Variants in HYDIN observed in about 807,000 individuals in gnomAD.
The protein encoded by HYDIN is HYDIN axonemal central pair apparatus protein, also known as axonemal central pair apparatus protein HYDIN.
In HYDIN, 132 loss-of-function variants were observed where a neutral mutation model predicts 403.9. That is an observed-to-expected ratio of 0.33 (90% CI 0.28 to 0.38). The LOEUF (loss-of-function observed/expected upper bound fraction) is 0.38, where lower values mean the gene tolerates loss of function less well. Among genes scored for constraint, HYDIN ranks in the 10% least tolerant of loss-of-function variants. HYDIN has a pLI of 1.00. For missense variants in HYDIN, 2,827 were observed against 5,009.5 expected (o/e 0.56, Z 13.15); for synonymous variants, 1,202 against 1,891.7 (o/e 0.64, Z 9.46).
intron 10 of HYDIN, among the ~76,000 whole-genome samples, chr16:71,108,439 C>T (rs2083697208): frequency 6.6e-6 from 1 of 151,900 alleles, no homozygotes; most frequent in African/African-American, 2.4e-5. Flanking sequence ...AAGGAACACA[C>T]TGAGGCTTCT....
At chr16:70,968,641 C>T (rs1597438117) in intron 36 of HYDIN, among the ~76,000 whole-genome samples, 1 of 151,992 alleles carries the variant, frequency 6.6e-6, no homozygotes, top group East Asian at 1.9e-4. Flanking sequence ...GAAGGCAGTG[C>T]CCCCTTCTCC....
chr16:70,870,476 A>G (rs2040026780), intron 65 of HYDIN, among the ~76,000 whole-genome samples: 1 of 151,166 alleles, frequency 6.6e-6, no homozygotes, highest in South Asian at 2.1e-4. Flanking sequence ...CATCCCAGCC[A>G]CTCTGGTCAT....
intron 1 of HYDIN, among the ~76,000 whole-genome samples, chr16:71,223,796 G>A (rs2040909275): frequency 1.3e-5 from 2 of 152,138 alleles, no homozygotes; most frequent in African/African-American, 2.4e-5. Flanking sequence ...ACTCTTGCAA[G>A]AATGGCCATA....
At chr16:71,161,587 A>T (rs979552237) in intron 6 of HYDIN, among the ~76,000 whole-genome samples, 1 of 152,248 alleles carries the variant, frequency 6.6e-6, no homozygotes, top group Non-Finnish European at 1.5e-5. Context: ...CAGCAACAGC[A>T]GATTGAGTCC....
chr16:70,906,770 AC>A (rs1449932931), intron 50 of HYDIN, among the ~76,000 whole-genome samples: 2 of 151,914 alleles, frequency 1.3e-5, no homozygotes, highest in Non-Finnish European at 2.9e-5. Flanking sequence ...ATGTTGTTGA[AC>A]CCTGTGGACA....
intron 75 of HYDIN, among the ~76,000 whole-genome samples, chr16:70,847,521 C>T (rs1364849358): frequency 6.6e-6 from 1 of 151,916 alleles, no homozygotes; most frequent in Admixed American, 6.6e-5. Flanking sequence ...TGAGAGTGTC[C>T]TGGTTTATCC....
In HYDIN at chr16:70,892,382, G is replaced by A. The variant is rs372135369; in HGVS notation, c.9396C>T (p.His3132=). The A allele has an allele frequency of 7.7e-6, 12 of 1,567,890 alleles. No homozygotes were observed. Among genetic ancestry groups the A allele is most frequent in the Non-Finnish European group, 1.0e-5 (12 of 1,160,590 alleles). Residue 3132 remains histidine, a synonymous_variant, in exon 56 of 86, where the codon CAC becomes CAT. Coordinates refer to ENST00000393567, the MANE Select transcript of HYDIN (RefSeq NM_001270974.2). ...TTACCTGACAGCGCAGAACAGGCTGGTGCTCAATCTTCACTTCCTTTTTTG... is the reference window on the plus strand; with the variant it reads ...TTACCTGACAGCGCAGAACAGGCTGATGCTCAATCTTCACTTCCTTTTTTG... ...FHAKKEVKIE[H]QPVLRCQIIE...
In HYDIN at chr16:70,850,585, C is replaced by T. The variant is rs1245932842; in HGVS notation, c.12514G>A (p.Glu4172Lys). ...AATGTCACAGGGTGGACTTTCTTTTCCACATTGCAGATCAAATTAAAGTTC... is the reference window on the plus strand; with the variant it reads ...AATGTCACAGGGTGGACTTTCTTTTTCACATTGCAGATCAAATTAAAGTTC... ...DVNFNLICNVEKKVHPVTLNV... is the reference protein window; with the variant it reads ...DVNFNLICNVKKKVHPVTLNV... The change falls in exon 74 of 86, where the codon GAA becomes AAA. Residue 4172 changes from glutamate to lysine, a missense_variant. Physicochemically the swap from Glu to Lys is moderately conservative, Grantham distance 56. Transcript: ENST00000393567. 1 of 1,613,776 alleles carries T rather than the reference C, an allele frequency of 6.2e-7. No individual in the cohort carries two copies. The highest frequency in any genetic ancestry group is 8.5e-7 in the Non-Finnish European group (1 of 1,179,954).
intron 1 of HYDIN, among the ~76,000 whole-genome samples, chr16:71,190,397 T>C (rs967166279): frequency 2.0e-5 from 3 of 151,006 alleles, no homozygotes; most frequent in Non-Finnish European, 4.4e-5. Flanking sequence ...TAAATTTAAA[T>C]GATACTTTAA....
At chr16:70,988,995 G>A (rs989190322) in intron 25 of HYDIN, among the ~76,000 whole-genome samples, 1 of 152,092 alleles carries the variant, frequency 6.6e-6, no homozygotes, top group Non-Finnish European at 1.5e-5. Context: ...TGGGAATTTT[G>A]AGGATGTTTG....
At chr16:71,200,310 T>C (rs2087929831) in intron 1 of HYDIN, among the ~76,000 whole-genome samples, 1 of 152,212 alleles carries the variant, frequency 6.6e-6, no homozygotes, top group South Asian at 2.1e-4. Context: ...TTCAGTTTAC[T>C]CTATGGACTT....
chr16:71,171,763 G>A (rs2086472624), intron 5 of HYDIN, among the ~76,000 whole-genome samples: 1 of 152,200 alleles, frequency 6.6e-6, no homozygotes, highest in Non-Finnish European at 1.5e-5. Flanking sequence ...ATATATTCAT[G>A]ACACAAAAAG....
intron 71 of HYDIN, among the ~76,000 whole-genome samples, chr16:70,859,043 T>G (rs941590054): frequency 6.6e-5 from 10 of 151,334 alleles, no homozygotes; most frequent in Non-Finnish European, 1.2e-4. Context: ...GGCTCACACC[T>G]GTAATCCCAG....
intron 57 of HYDIN, among the ~76,000 whole-genome samples, chr16:70,890,257 C>A (rs1214983920): frequency 3.3e-5 from 5 of 152,208 alleles, no homozygotes; most frequent in Non-Finnish European, 7.3e-5. Context: ...GCATCTTAAA[C>A]TTTTGAGAAT....
In HYDIN at chr16:70,943,838, C is replaced by T. The variant is rs555322962; in HGVS notation, c.6643G>A (p.Val2215Met). 30 of 1,613,326 alleles carry T rather than the reference C, an allele frequency of 1.9e-5. No individual in the cohort carries two copies. The Middle Eastern group carries it at 4.9e-4, about 27-fold the overall frequency. ...TGTATCCGCTCTGCCAGGATCTGCA[C>T]GAGAAGTTCATCCGGGAGCACACAG... ...MSCVLPDELL[V>M]QILAERIQLS... is the part of the protein sequence containing the mutation. The change falls in exon 42 of 86, where the codon GTG becomes ATG. Residue 2215 changes from valine to methionine, a missense_variant. Coordinates refer to ENST00000393567, the MANE Select transcript of HYDIN (RefSeq NM_001270974.2).
chr16:70,911,872 T>TATTGTAAAAGAGGTTG (rs1192842959), intron 47 of HYDIN, among the ~76,000 whole-genome samples: 1 of 149,016 alleles, frequency 6.7e-6, no homozygotes, highest in Non-Finnish European at 1.5e-5. Flanking sequence ...TTTTTGCAGT[T>TATTGTAAAAGAGGTTG]ATTGTAAAAG....
chr16:70,970,627 G>A lies in HYDIN; in HGVS notation c.5512C>T (p.Leu1838Phe). Residue 1838 changes from leucine (L) to phenylalanine (F), a missense_variant, in exon 36 of 86, where the codon CTT becomes TTT. Transcript: ENST00000393567. ...TCGGCCTCGTCTCCAGGTGCACAAA[G>A]TAGCAGTGGCCCCAGATCCAGGACT... is the stretch of plus-strand genomic sequence containing the variant. ...PSVLDLGPLL[L>F]CAPGDEAEVI... 2.0e-6 allele frequency: 3 copies of A among 1,485,004 alleles called. No homozygotes were observed. The highest frequency in any genetic ancestry group is 2.8e-6 in the Non-Finnish European group (3 of 1,065,416). 92.0% of individuals were successfully genotyped at this position (1,485,004 alleles called of 1,614,324 possible).
At chr16:71,228,533 T>C (rs532505237) in intron 1 of HYDIN, among the ~76,000 whole-genome samples, 4,467 of 152,312 alleles carry the variant, frequency 0.029, 194 homozygotes, top group African/African-American at 0.1. Flanking sequence ...AAGACATTTA[T>C]GCAGCCAACA....
chr16:71,028,492 G>C (rs1053390917), intron 19 of HYDIN, among the ~76,000 whole-genome samples: 1 of 151,290 alleles, frequency 6.6e-6, no homozygotes, highest in Non-Finnish European at 1.5e-5. Context: ...CCGACTGCCT[G>C]GCTATTTGCT....
Sources: allele counts gnomAD v4.1 joint callset (sites outside exome capture counted in the v4.1 genomes callset), GRCh38; gene constraint gnomAD v4.1.1; transcripts MANE v1.5; gene names NCBI Gene and HGNC (gene_info 2026-07-23, HGNC 2026-07-21).